The following MRS2 variants were observed in gnomAD, a reference collection of about 807,000 sequenced individuals.
MRS2 encodes magnesium transporter MRS2 homolog, mitochondrial.
In MRS2, 40 loss-of-function variants were observed where a neutral mutation model predicts 52.6. That is an observed-to-expected ratio of 0.76 (90% confidence interval 0.59 to 0.99). The LOEUF (loss-of-function observed/expected upper bound fraction) is 0.99, where lower values mean the gene tolerates loss of function less well. Among genes scored for constraint, MRS2 ranks in the 50% least tolerant of loss-of-function variants. MRS2 has a pLI of 0.00. For missense variants in MRS2, 472 were observed against 532.7 expected, an observed-to-expected ratio of 0.89 and a Z score of 1.12; for synonymous variants, 193 against 195.9, an observed-to-expected ratio of 0.98 and a Z score of 0.13.
chr6:24,413,186 C>T (rs1217787661), intron 5 of MRS2, among the ~76,000 whole-genome samples: 1 of 152,040 alleles, frequency 6.6e-6, no homozygotes, highest in Non-Finnish European at 1.5e-5. Flanking sequence ...ATGGGCTCCA[C>T]AGGCTGGGTA....
At position 24,415,095 on chromosome 6, in the gene MRS2, T is replaced by G. The variant is rs372315915; in HGVS notation, c.651T>G (p.Ala217=). Residue 217 remains alanine, a synonymous_variant, in exon 6 of 11, where the codon GCT becomes GCG. Coordinates refer to ENST00000378386, the MANE Select transcript of MRS2 (RefSeq NM_020662.4). ...CACTGATCCTTGAGACCTTGGATGC[T>G]TTGGTGGACCCCAAACATTCTTCTG... ...LQPLILETLD[A]LVDPKHSSVD... The G allele has an allele frequency of 6.9e-5, 112 of 1,612,108 alleles. No homozygotes were observed. The highest frequency in any genetic ancestry group is 6.2e-5 in the Non-Finnish European group (73 of 1,178,602).
At position 24,403,016 on chromosome 6, in the gene MRS2, C is replaced by T. The variant is rs1188700338; in HGVS notation, c.-31C>T. The T allele has an allele frequency of 6.4e-7, 1 of 1,552,320 alleles. No individual in the cohort carries two copies. Among genetic ancestry groups the T allele is most frequent in the Admixed American group, 1.9e-5 (1 of 53,472 alleles). On this transcript the variant is annotated 5_prime_UTR_variant, in exon 1 of 11. Coordinates refer to ENST00000378386, the MANE Select transcript of MRS2 (RefSeq NM_020662.4). The stretch of plus-strand genomic sequence containing the variant: ...AGCGTCCGGCATGAAGGTCTGGGGT[C>T]TGGCTGCTGCCTGCTTCTTGCTCCA...
In MRS2 at chr6:24,423,651, T is replaced by G; in HGVS notation, c.1289T>G (p.Leu430Arg). ...RSMELKNSLR[L>R]DGLGSGRSIL... ...ATGGAATTGAAAAATAGCCTCAGAC[T>G]GGATGGACTTGGATCAGGAAGGAGC... The change falls in exon 11 of 11, where the codon CTG becomes CGG. Residue 430 changes from leucine to arginine, a missense_variant. Coordinates refer to ENST00000378386, the MANE Select transcript of MRS2 (RefSeq NM_020662.4). 6.2e-7 allele frequency: 1 copy of G among 1,612,506 alleles called. No homozygotes were observed. Among genetic ancestry groups the G allele is most frequent in the Non-Finnish European group, 8.5e-7 (1 of 1,178,800 alleles).
chr6:24,415,169 T>C lies in MRS2; in HGVS notation c.719+6T>C. The C allele has an allele frequency of 6.4e-7, 1 of 1,572,620 alleles. No individual in the cohort carries two copies. Among genetic ancestry groups the C allele is most frequent in the Non-Finnish European group, 8.7e-7 (1 of 1,150,260 alleles). On this transcript the variant is annotated splice_donor_region_variant and intron_variant, in intron 6 of 10. Coordinates refer to ENST00000378386, the MANE Select transcript of MRS2 (RefSeq NM_020662.4). ...TTACTACAGAATGGCAAAAGGTAAA[T>C]ATGGATGATGTATCACATTGGGAGT...
chr6:24,410,784 A>T, intron 4 of MRS2: 1 of 1,513,326 alleles, frequency 6.6e-7, no homozygotes, highest in Non-Finnish European at 8.9e-7. Context: ...TGTCTCTTTC[A>T]TGGAGAGACA....
intron 2 of MRS2, among the ~76,000 whole-genome samples, chr6:24,407,944 A>G (rs1470413207): frequency 6.6e-6 from 1 of 152,164 alleles, no homozygotes; most frequent in Non-Finnish European, 1.5e-5. Context: ...TATCCCTTGT[A>G]ACCATCGCAG....
chr6:24,412,290 A>G lies in MRS2; in HGVS notation c.483A>G (p.Gln161=). 1 of 1,607,076 alleles carries G rather than the reference A, an allele frequency of 6.2e-7. No homozygotes were observed. The highest frequency in any genetic ancestry group is 2.2e-5 in the East Asian group (1 of 44,456). Residue 161 remains glutamine, a synonymous_variant, in exon 5 of 11, where the codon CAA becomes CAG. Transcript: ENST00000378386. ...ILDYRNLNLE[Q]WLFRELPSQL... ...ATTATCGTAATTTAAACTTAGAGCA[A>G]TGGCTGTTCCGGGAACTCCCTTCAC... is the stretch of plus-strand genomic sequence containing the variant.
intron 7 of MRS2, 22 bp from the exon 8 acceptor site, chr6:24,418,062 T>C (rs1761912065): frequency 1.3e-6 from 2 of 1,596,968 alleles, no homozygotes; most frequent in African/African-American, 2.7e-5. Context: ...AGTATGTTAA[T>C]TATTTTCTCT....
At chr6:24,411,868 TG>T (rs1365734390) in intron 4 of MRS2, among the ~76,000 whole-genome samples, 43 of 151,058 alleles carry the variant, frequency 2.8e-4, no homozygotes, top group African/African-American at 9.9e-4. Context: ...TTTTTTTTTT[TG>T]TTTTTGTTTT....
intron 8 of MRS2, 83 bp from the exon 9 acceptor site, chr6:24,418,378 C>A: frequency 1.9e-6 from 3 of 1,556,690 alleles, no homozygotes; most frequent in South Asian, 1.3e-5. Flanking sequence ...TAGGTTTCAT[C>A]CATGTGGTCT....
intron 9 of MRS2, among the ~76,000 whole-genome samples, chr6:24,422,620 G>A (rs1246985395): frequency 6.6e-6 from 1 of 152,150 alleles, no homozygotes; most frequent in Non-Finnish European, 1.5e-5. Context: ...TATAAGCAAA[G>A]ACCTTAAATT....
intron 9 of MRS2, among the ~76,000 whole-genome samples, chr6:24,421,506 T>C (rs114443647): frequency 0.023 from 3,451 of 152,332 alleles, 81 homozygotes; most frequent in African/African-American, 0.061. Flanking sequence ...GAAAAATATT[T>C]TAAGATAATT....
At position 24,424,486 on chromosome 6, in the gene MRS2, A is replaced by G. The variant is rs1762161922; in HGVS notation, c.*792A>G. ...AAAATGTTTATTGTCCTGCTAATCT[A>G]TATGCCTACACCTCAGAAGCTGACA... On this transcript the variant is annotated 3_prime_UTR_variant, in exon 11 of 11. Transcript: ENST00000378386. 6.6e-6 allele frequency: 1 copy of G among 152,190 alleles called. No individual in the cohort carries two copies. Among genetic ancestry groups the G allele is most frequent in the East Asian group, 1.9e-4 (1 of 5,192 alleles). 9.4% of individuals were successfully genotyped at this position (152,190 alleles called of 1,614,324 possible). A position where few individuals can be genotyped will look rare whatever the true frequency, so the allele number is the denominator to read the frequency against.
In MRS2 at chr6:24,424,475, CCTG is replaced by C. The variant is rs1282827162; in HGVS notation, c.*784_*786del. 6.6e-6 allele frequency: 1 copy of C among 152,078 alleles called. No homozygotes were observed. Among genetic ancestry groups the C allele is most frequent in the African/African-American group, 2.4e-5 (1 of 41,406 alleles). The allele number at this position is 152,078 out of a possible 1,614,324, so 9.4% of individuals were successfully genotyped here. A position where few individuals can be genotyped will look rare whatever the true frequency, so the allele number is the denominator to read the frequency against. On this transcript the variant is annotated 3_prime_UTR_variant, in exon 11 of 11. Coordinates refer to ENST00000378386, the MANE Select transcript of MRS2 (RefSeq NM_020662.4). ...CCCCAAAAAGAAAAATGTTTATTGT[CCTG>C]CTAATCTATATGCCTACACCTCAGA...
At position 24,412,216 on chromosome 6, in the gene MRS2, TAACAG is replaced by T. The variant is rs1581700615; in HGVS notation, c.415-5_415-1del. 1.3e-6 allele frequency: 2 copies of T among 1,534,388 alleles called. No homozygotes were observed. The highest frequency in any genetic ancestry group is 2.3e-5 in the East Asian group (1 of 43,766). On this transcript the variant is annotated splice_acceptor_variant and splice_polypyrimidine_tract_variant and intron_variant, in intron 4 of 10. Transcript: ENST00000378386. LOFTEE classifies it high-confidence loss of function. ...TTATATGTTTTGGTTTTTTTTTTTT[TAACAG>T]TATTTGAAAGCTGTGATAACTCCAG...
intron 2 of MRS2, 69 bp from the exon 3 acceptor site, chr6:24,408,339 A>G: frequency 2.0e-6 from 2 of 999,820 alleles, no homozygotes; most frequent in Non-Finnish European, 3.1e-6. Context: ...TCTTAACTAA[A>G]TTAGCAATAC....
intron 2 of MRS2, among the ~76,000 whole-genome samples, chr6:24,405,618 C>T (rs566328228): frequency 1.8e-4 from 26 of 141,576 alleles, no homozygotes; most frequent in Non-Finnish European, 3.2e-4. Context: ...TGAAATGGTT[C>T]GGGGGTGGGG....
At chr6:24,416,783 T>C (rs930185484) in intron 7 of MRS2, among the ~76,000 whole-genome samples, 2 of 152,188 alleles carry the variant, frequency 1.3e-5, no homozygotes, top group South Asian at 4.1e-4. Context: ...GACCACCAGA[T>C]TGGCATATAC....
intron 9 of MRS2, among the ~76,000 whole-genome samples, chr6:24,420,326 T>C (rs75441112): frequency 0.012 from 1,770 of 152,270 alleles, 21 homozygotes; most frequent in African/African-American, 0.039. Context: ...GCCCAAATAA[T>C]CCTACCCTTC....
Sources: gnomAD v4.1 joint callset for allele counts (sites outside exome capture counted in the v4.1 genomes callset) on GRCh38, gnomAD v4.1.1 for gene constraint, MANE v1.5 for transcripts, NCBI Gene and HGNC (gene_info 2026-07-23, HGNC 2026-07-21) for gene names.